DIP2C: variants seen among roughly 807,000 people sequenced by gnomAD.
DIP2C encodes disco-interacting protein 2 homolog C.
In DIP2C, 33 loss-of-function variants were observed where a neutral mutation model predicts 192.4. The ratio of observed to expected loss-of-function variants is 0.17; its 90% CI spans 0.13 to 0.23. DIP2C has a LOEUF of 0.23. DIP2C is among the 10% of genes least tolerant of loss of function. The probability of loss-of-function intolerance (pLI) is 1.00; values close to 1 mark genes in which losing one functional copy is unlikely to be tolerated. For missense variants in DIP2C, 1,537 were observed against 2,110.1 expected, an observed-to-expected ratio of 0.73 and a Z score of 5.32; for synonymous variants, 979 against 864.1, an observed-to-expected ratio of 1.13 and a Z score of -2.33.
intron 1 of DIP2C, among the ~76,000 whole-genome samples, chr10:679,781 C>T (rs1035026723): frequency 3.3e-5 from 5 of 152,134 alleles, no homozygotes; most frequent in East Asian, 1.9e-4. Flanking sequence ...CCGTGCTCCC[C>T]GCACTGCGTT....
intron 1 of DIP2C, among the ~76,000 whole-genome samples, chr10:602,803 G>A (rs1001623191): frequency 1.3e-5 from 2 of 152,164 alleles, no homozygotes; most frequent in Non-Finnish European, 2.9e-5. Flanking sequence ...CCAGAACCAG[G>A]GTGTCGATCC....
intron 1 of DIP2C, among the ~76,000 whole-genome samples, chr10:494,888 T>C (rs1844702311): frequency 1.3e-5 from 2 of 152,164 alleles, no homozygotes; most frequent in African/African-American, 4.8e-5. Flanking sequence ...TCTGGGTAAA[T>C]ATCCAAAGGA....
At chr10:688,534 C>A (rs1311890835) in intron 1 of DIP2C, among the ~76,000 whole-genome samples, 1 of 152,166 alleles carries the variant, frequency 6.6e-6, no homozygotes, top group Non-Finnish European at 1.5e-5. Context: ...TAAACTGCTC[C>A]AAATATAAAT....
intron 10 of DIP2C, among the ~76,000 whole-genome samples, chr10:392,890 GC>G (rs1406570917): frequency 1.6e-4 from 1 of 6,080 alleles, no homozygotes; most frequent in Non-Finnish European, 2.5e-3. Context: ...ACACACACGT[GC>G]CCACACACAG....
chr10:447,557 G>C lies in DIP2C; in HGVS notation c.269-6561C>G, dbSNP rs61837249. On this transcript the variant is annotated intron_variant, in intron 3 of 36. Transcript: ENST00000280886. ...CAGGATCACATGCAGTGGGGCAGCA[G>C]GACCCACTCACCCGTCGATAATCAG... Among the ~76,000 whole-genome samples, 757 of 139,820 alleles carry C rather than the reference G, an allele frequency of 5.4e-3. 9 individuals carry two copies. Among genetic ancestry groups the C allele is most frequent in the Middle Eastern group, 0.031 (6 of 192 alleles). The allele number at this position is 139,820 out of a possible 152,430, so 91.7% of individuals were successfully genotyped here. A position where few individuals can be genotyped will look rare whatever the true frequency, so the allele number is the denominator to read the frequency against.
intron 1 of DIP2C, among the ~76,000 whole-genome samples, chr10:648,890 A>G (rs1337185189): frequency 6.7e-6 from 1 of 149,766 alleles, no homozygotes; most frequent in Non-Finnish European, 1.5e-5. Flanking sequence ...AGGGTGGGAG[A>G]GAACAGAGGG....
rs144403226 is a variant in DIP2C, at chr10:523,859, C to A, written c.86-37329G>T. 5.4e-3 allele frequency among the ~76,000 whole-genome samples: 823 copies of A among 152,328 alleles called. 2 individuals are homozygous for A. Among genetic ancestry groups the A allele is most frequent in the Non-Finnish European group, 9.5e-3 (646 of 68,030 alleles). On this transcript the variant is annotated intron_variant, in intron 1 of 36. Transcript: ENST00000280886. ...ACTTGTCGCTTTTACACATAAAGAACCCTGTGACTCTGTCCCAGGACCTTT... is the reference window on the plus strand; with the variant it reads ...ACTTGTCGCTTTTACACATAAAGAAACCTGTGACTCTGTCCCAGGACCTTT...
In DIP2C at chr10:364,234, T is replaced by C. The variant is rs182362269; in HGVS notation, c.2477+140A>G. 1,356 of 916,344 alleles carry C rather than the reference T, an allele frequency of 1.5e-3. 3 individuals are homozygous for C. The highest frequency in any genetic ancestry group is 2.0e-3 in the Non-Finnish European group (1,242 of 618,020). 56.8% of individuals were successfully genotyped at this position (916,344 alleles called of 1,614,324 possible). On this transcript the variant is annotated intron_variant, in intron 20 of 36. Transcript: ENST00000280886. ...CTGGATTAAATCTCAGAGGTCAGAG[T>C]CCAGTTGCTTCAATAACATGGAAGA...
chr10:506,680 C>G (rs920556269), intron 1 of DIP2C, among the ~76,000 whole-genome samples: 1 of 152,238 alleles, frequency 6.6e-6, no homozygotes, highest in Non-Finnish European at 1.5e-5. Flanking sequence ...TGCCTCCTAT[C>G]CCCCAACACA....
intron 23 of DIP2C, among the ~76,000 whole-genome samples, chr10:357,300 G>A (rs1161811177): frequency 6.6e-6 from 1 of 152,182 alleles, no homozygotes; most frequent in Non-Finnish European, 1.5e-5. Flanking sequence ...AGGAGGCCTG[G>A]CCCCCTAACC....
At chr10:341,149 AG>A in intron 29 of DIP2C, 49 bp downstream of exon 29, 1 of 1,612,294 alleles carries the variant, frequency 6.2e-7, no homozygotes, top group Non-Finnish European at 8.5e-7. Context: ...AGGTCTGGAG[AG>A]GAAGGTGCAT....
chr10:480,699 G>C (rs1469317098), intron 2 of DIP2C, among the ~76,000 whole-genome samples: 1 of 152,258 alleles, frequency 6.6e-6, no homozygotes, highest in Non-Finnish European at 1.5e-5. Flanking sequence ...CTAAGACGAG[G>C]AATGCGATTC....
intron 1 of DIP2C, among the ~76,000 whole-genome samples, chr10:498,492 A>T (rs1381653431): frequency 6.6e-6 from 1 of 152,184 alleles, no homozygotes; most frequent in Non-Finnish European, 1.5e-5. Context: ...GACAGACCCC[A>T]CCAGGACGTG....
intron 32 of DIP2C, among the ~76,000 whole-genome samples, chr10:299,305 T>TCTTC (rs1955908421): frequency 6.6e-6 from 1 of 152,228 alleles, no homozygotes; most frequent in African/African-American, 2.4e-5. Flanking sequence ...CTCTTCCAAT[T>TCTTC]CTTCCCATTA....
At chr10:283,202 C>G (rs540557030) in intron 35 of DIP2C, 70 bp downstream of exon 35, 4 of 1,549,948 alleles carry the variant, frequency 2.6e-6, no homozygotes, top group Non-Finnish European at 3.5e-6. Flanking sequence ...TTGGGAAAGG[C>G]TTCTGTATCT....
At chr10:345,510 CACAAACACCCATCCCAGA>C (rs2132595327) in intron 26 of DIP2C, among the ~76,000 whole-genome samples, 1 of 62,710 alleles carries the variant, frequency 1.6e-5, no homozygotes, top group African/African-American at 5.6e-5. Flanking sequence ...CCGGAAACCC[CACAAACACCCATCCCAGA>C]CACACCGCGC....
chr10:432,362 T>C (rs1966867985), intron 4 of DIP2C, among the ~76,000 whole-genome samples: 1 of 152,194 alleles, frequency 6.6e-6, no homozygotes, highest in South Asian at 2.1e-4. Context: ...CTGATTCAAT[T>C]TAACAGATAC....
chr10:514,485 T>C (rs1846226319), intron 1 of DIP2C, among the ~76,000 whole-genome samples: 1 of 152,202 alleles, frequency 6.6e-6, no homozygotes, highest in South Asian at 2.1e-4. Flanking sequence ...GTTCGCAATG[T>C]TCACCAGAGG....
intron 30 of DIP2C, among the ~76,000 whole-genome samples, chr10:328,183 C>G (rs991643335): frequency 4.6e-5 from 7 of 152,192 alleles, no homozygotes; most frequent in African/African-American, 1.7e-4. Flanking sequence ...GCTCAGTGTA[C>G]AGACACGACT....
Sources: gnomAD v4.1 joint callset for allele counts (sites outside exome capture counted in the v4.1 genomes callset) on GRCh38, gnomAD v4.1.1 for gene constraint, MANE v1.5 for transcripts, NCBI Gene and HGNC (gene_info 2026-07-23, HGNC 2026-07-21) for gene names.